The following ACOT7 variants were observed in gnomAD, a reference collection of about 807,000 sequenced individuals.
The protein encoded by ACOT7 is acyl-CoA thioesterase 7.
Under a neutral mutation model 40.2 loss-of-function variants are expected in ACOT7, and 12 were observed. The ratio of observed to expected loss-of-function variants is 0.30; its 90% CI spans 0.19 to 0.48. ACOT7 has a LOEUF of 0.48. ACOT7 is among the 20% of genes least tolerant of loss of function. The pLI, the probability that ACOT7 is intolerant of heterozygous loss-of-function variation, is 0.99. For missense variants in ACOT7, 395 were observed against 530.8 expected (o/e 0.74, Z 2.51); for synonymous variants, 228 against 219.5 (o/e 1.04, Z -0.34).
At chr1:6,270,640 T>C (rs187123548) in intron 8 of ACOT7, among the ~76,000 whole-genome samples, 6 of 152,356 alleles carry the variant, frequency 3.9e-5, no homozygotes, top group African/African-American at 1.4e-4. Context: ...GGGCCAGGTT[T>C]GTTCACCTGG....
intron 1 of ACOT7, among the ~76,000 whole-genome samples, chr1:6,368,252 G>A (rs558783728): frequency 2.6e-5 from 4 of 152,278 alleles, no homozygotes; most frequent in African/African-American, 9.6e-5. Flanking sequence ...TGGCATCCAG[G>A]CTGTTTGTGC....
intron 1 of ACOT7, among the ~76,000 whole-genome samples, chr1:6,351,108 C>T (rs978289272): frequency 1.3e-5 from 2 of 152,208 alleles, no homozygotes; most frequent in Non-Finnish European, 2.9e-5. Flanking sequence ...ACCATCTGGC[C>T]ACAGGATGCC....
intron 1 of ACOT7, among the ~76,000 whole-genome samples, chr1:6,353,359 C>T (rs987059780): frequency 1.3e-5 from 2 of 151,674 alleles, no homozygotes; most frequent in African/African-American, 4.8e-5. Flanking sequence ...CTGCTGGGCG[C>T]GGTGGCTCAC....
intron 1 of ACOT7, among the ~76,000 whole-genome samples, chr1:6,357,934 T>C (rs548492549): frequency 1.3e-4 from 19 of 151,870 alleles, no homozygotes; most frequent in South Asian, 6.3e-4. Context: ...TGGCGTGATC[T>C]TGGCTCTCTG....
chr1:6,392,920 G>A (rs1642557240), intron 1 of ACOT7, among the ~76,000 whole-genome samples: 1 of 152,032 alleles, frequency 6.6e-6, no homozygotes, highest in African/African-American at 2.4e-5. Flanking sequence ...GGCGGCCCAC[G>A]GGCGCCGGTC....
intron 6 of ACOT7, among the ~76,000 whole-genome samples, chr1:6,303,836 C>T (rs1036735411): frequency 5.9e-5 from 9 of 152,156 alleles, no homozygotes; most frequent in African/African-American, 2.2e-4. Flanking sequence ...CGTCTGGGAG[C>T]ATCATAGACC....
chr1:6,305,351 A>C (rs1310680581), intron 6 of ACOT7, among the ~76,000 whole-genome samples: 1 of 141,734 alleles, frequency 7.1e-6, no homozygotes, highest in Non-Finnish European at 1.5e-5. Flanking sequence ...CACCTCCCGG[A>C]AGGGGCGGCT....
intron 1 of ACOT7, among the ~76,000 whole-genome samples, chr1:6,356,737 T>C (rs1350438235): frequency 6.7e-6 from 1 of 149,118 alleles, no homozygotes; most frequent in Admixed American, 6.7e-5. Flanking sequence ...GCCAACATGG[T>C]GAAACCCCGT....
rs576541732 is a variant in ACOT7 at position 6,378,989 on chromosome 1, G to A, written c.143+14268C>T. Reference sequence around the variant, plus strand: ...CGGCTCACTGCAAGCTCCGCCTCCCGGGTTCACACCATTCTCCTGCCTCAG... The same window carrying A: ...CGGCTCACTGCAAGCTCCGCCTCCCAGGTTCACACCATTCTCCTGCCTCAG... On this transcript the variant is annotated intron_variant, in intron 1 of 8. Transcript: ENST00000361521. Among the ~76,000 whole-genome samples the A allele has an allele frequency of 1.3e-3, 197 of 151,824 alleles. 1 individual carries two copies. Among genetic ancestry groups the A allele is most frequent in the African/African-American group, 4.6e-3 (189 of 41,512 alleles).
intron 8 of ACOT7, among the ~76,000 whole-genome samples, chr1:6,276,455 G>A (rs926554056): frequency 9.9e-5 from 15 of 151,956 alleles, no homozygotes; most frequent in African/African-American, 2.7e-4. Context: ...GCAGCTGCCC[G>A]GAGCGGGTGC....
chr1:6,355,257 C>A lies in ACOT7; in HGVS notation c.144-5391G>T, dbSNP rs556168907. On this transcript the variant is annotated intron_variant, in intron 1 of 8. Coordinates refer to ENST00000361521, the MANE Select transcript of ACOT7 (RefSeq NM_007274.4). The surrounding 1 kb of genome is among the most constrained non-coding windows in gnomAD (Gnocchi z 5.0). The stretch of plus-strand genomic sequence containing the variant: ...GCACCACCCACCCAAACCCCAGATG[C>A]ACAGGGACACCCTGACCCAGGATTC... Among the ~76,000 whole-genome samples, 2 of 152,184 alleles carry A rather than the reference C, an allele frequency of 1.3e-5. No homozygotes were observed. Among genetic ancestry groups the A allele is most frequent in the African/African-American group, 4.8e-5 (2 of 41,450 alleles).
At chr1:6,326,492 T>G (rs968561590) in intron 5 of ACOT7, among the ~76,000 whole-genome samples, 3 of 152,216 alleles carry the variant, frequency 2.0e-5, no homozygotes, top group African/African-American at 4.8e-5. Flanking sequence ...ACAGGGAAAC[T>G]GGGCATGCCA....
chr1:6,334,553 A>C (rs1571317899), intron 3 of ACOT7, among the ~76,000 whole-genome samples: 1 of 152,154 alleles, frequency 6.6e-6, no homozygotes, highest in Non-Finnish European at 1.5e-5. Context: ...TTTCCTTCAC[A>C]CCAGACACTC....
In ACOT7 at chr1:6,294,726, C is replaced by T. The variant is rs954764567; in HGVS notation, c.829+138G>A. The stretch of plus-strand genomic sequence containing the variant: ...ACAGCAAGGACAAAGAAAGAAACCT[C>T]AGCTTCCTGTTCCCTGTGGCAGATG... On this transcript the variant is annotated intron_variant, in intron 7 of 8. Transcript: ENST00000361521. This position sits in a 1 kb window ranked among gnomAD's most constrained non-coding sequence, Gnocchi z 4.6. 2.9e-5 allele frequency: 19 copies of T among 653,888 alleles called. No homozygotes were observed. The African/African-American group carries it at 3.4e-4, about 12-fold the overall frequency. The allele number at this position is 653,888 out of a possible 1,614,324, so 40.5% of individuals were successfully genotyped here. A position where few individuals can be genotyped will look rare whatever the true frequency, so the allele number is the denominator to read the frequency against.
At chr1:6,295,906 CTTTA>C (rs951037997) in intron 6 of ACOT7, among the ~76,000 whole-genome samples, 1 of 151,990 alleles carries the variant, frequency 6.6e-6, no homozygotes, top group Non-Finnish European at 1.5e-5. Flanking sequence ...AACTTGTACA[CTTTA>C]TTTTTGTTTT....
chr1:6,327,027 G>A (rs1557652113), intron 5 of ACOT7, among the ~76,000 whole-genome samples: 1 of 152,086 alleles, frequency 6.6e-6, no homozygotes, highest in Admixed American at 6.6e-5. Context: ...CACACCACCT[G>A]CCTGGCAATG....
rs1640335939 is a variant in ACOT7, at chr1:6,311,694, A to G, written c.712+6798T>C. On this transcript the variant is annotated intron_variant, in intron 6 of 8. Transcript: ENST00000361521. This position sits in a 1 kb window ranked among gnomAD's most constrained non-coding sequence, Gnocchi z 5.2. ...TCACTTAAGGGTACCCAGGAAGATG[A>G]CAAGAAGGATTTCAGAACTGGGAAA... Among the ~76,000 whole-genome samples, 1 of 152,232 alleles carries G rather than the reference A, an allele frequency of 6.6e-6. No individual in the cohort carries two copies. The highest frequency in any genetic ancestry group is 1.5e-5 in the Non-Finnish European group (1 of 68,034).
chr1:6,281,297 G>C lies in ACOT7; in HGVS notation c.830-11C>G. 2.5e-6 allele frequency: 4 copies of C among 1,612,716 alleles called. No individual in the cohort carries two copies. Among genetic ancestry groups the C allele is most frequent in the East Asian group, 2.2e-5 (1 of 44,854 alleles). ...TGGTGATGACGCAGCCTGTGGAGAA[G>C]GGAGGGCGGGGGTCAGGGCGGCCTC... On this transcript the variant is annotated splice_polypyrimidine_tract_variant and intron_variant, in intron 7 of 8. Transcript: ENST00000361521.
intron 1 of ACOT7, among the ~76,000 whole-genome samples, chr1:6,381,340 T>TA (rs1642330940): frequency 1.3e-5 from 2 of 151,568 alleles, no homozygotes; most frequent in South Asian, 2.1e-4. Context: ...TTTTCAGTTT[T>TA]AAAAAAAACC....
Sources: gnomAD v4.1 joint callset for allele counts (sites outside exome capture counted in the v4.1 genomes callset) on GRCh38, gnomAD v4.1.1 for gene constraint, Gnocchi (gnomAD v3.1) non-coding constraint, MANE v1.5 for transcripts, NCBI Gene and HGNC (gene_info 2026-07-23, HGNC 2026-07-21) for gene names.